PIEZO1: variants seen among roughly 807,000 people sequenced by gnomAD.
PIEZO1 encodes the protein piezo-type mechanosensitive ion channel component 1.
A neutral mutation model predicts 297.2 loss-of-function variants in PIEZO1; 296 were observed. That is an observed-to-expected ratio of 1.00 (90% confidence interval 0.91 to 1.10). The LOEUF is 1.10. PIEZO1 is among the 50% of genes least tolerant of loss of function. The probability of loss-of-function intolerance (pLI) is 0.00; values close to 1 mark genes in which losing one functional copy is unlikely to be tolerated. For missense variants in PIEZO1, 5,018 were observed against 3,455.5 expected (o/e 1.45, Z -11.34); for synonymous variants, 2,427 against 1,507.5 (o/e 1.61, Z -14.13).
chr16:88,737,198 T>C, intron 10 of PIEZO1: 1 of 278,482 alleles, frequency 3.6e-6, no homozygotes, highest in Non-Finnish European at 6.8e-6. Context: ...ACGAGCGGCC[T>C]CCTGGGGCCA....
At position 88,733,697 on chromosome 16, in the gene PIEZO1, G is replaced by A; in HGVS notation, c.2378C>T (p.Ala793Val). The A allele has an allele frequency of 6.5e-7, 1 of 1,548,904 alleles. No individual in the cohort carries two copies. The highest frequency in any genetic ancestry group is 8.7e-7 in the Non-Finnish European group (1 of 1,146,194). The change falls in exon 18 of 51, where the codon GCC becomes GTC. Residue 793 changes from alanine to valine, a missense_variant. Ala to Val is a moderately conservative substitution (Grantham distance 64). Transcript: ENST00000301015. ...LVAERLLELA[A>V]GFSDVLSRVQ... ...GCGTGAGAGGACGTCCGAGAAGCCG[G>A]CTGCCAGCTCCAGCAGCCGCTCAGC...
intron 2 of PIEZO1, among the ~76,000 whole-genome samples, chr16:88,745,936 G>A (rs1292748619): frequency 6.6e-6 from 1 of 152,142 alleles, no homozygotes; most frequent in African/African-American, 2.4e-5. Context: ...CCCCACCACG[G>A]CAGCATCCTG....
intron 1 of PIEZO1, among the ~76,000 whole-genome samples, chr16:88,774,109 G>A (rs1907549653): frequency 6.6e-6 from 1 of 152,224 alleles, no homozygotes; most frequent in Non-Finnish European, 1.5e-5. Context: ...CACCAGGCAG[G>A]GCTGGGTGGG....
chr16:88,776,364 G>A lies in PIEZO1; in HGVS notation c.64+8537C>T, dbSNP rs1460033631. On this transcript the variant is annotated intron_variant, in intron 1 of 50. Transcript: ENST00000301015. The stretch of plus-strand genomic sequence containing the variant: ...AAGGAGAATGGCGTGAACCTGGGAG[G>A]CAGAGCTTGCAGTGAGCCCAGACTG... Among the ~76,000 whole-genome samples, 3 of 152,246 alleles carry A rather than the reference G, an allele frequency of 2.0e-5. No homozygotes were observed. In the South Asian group the frequency reaches 6.2e-4, roughly 32 times the overall value.
At chr16:88,772,257 CAGA>C (rs1275937849) in intron 1 of PIEZO1, among the ~76,000 whole-genome samples, 1 of 152,252 alleles carries the variant, frequency 6.6e-6, no homozygotes, top group Non-Finnish European at 1.5e-5. Context: ...TGTCCAAGCT[CAGA>C]AGGAGGGCCC....
chr16:88,760,754 G>A (rs996799368), intron 1 of PIEZO1, among the ~76,000 whole-genome samples: 6 of 152,222 alleles, frequency 3.9e-5, no homozygotes, highest in African/African-American at 1.4e-4. Context: ...GGGGCCCGAG[G>A]GGAGCCACCC....
At chr16:88,716,778 C>T in intron 46 of PIEZO1, 28 bp downstream of exon 46, 1 of 1,549,446 alleles carries the variant, frequency 6.5e-7, no homozygotes, top group Non-Finnish European at 8.7e-7. Flanking sequence ...CTCCCCACAC[C>T]AGCTTTCACA....
intron 1 of PIEZO1, among the ~76,000 whole-genome samples, chr16:88,761,497 C>T (rs1398765291): frequency 6.6e-6 from 1 of 152,222 alleles, no homozygotes; most frequent in Non-Finnish European, 1.5e-5. Flanking sequence ...CGCCGCCTTC[C>T]GGTCCCCACA....
Position 88,731,686 on chromosome 16 carries a change from C to A in PIEZO1, c.3196+20G>T. The A allele has an allele frequency of 6.5e-7, 1 of 1,545,576 alleles. No homozygotes were observed. Among genetic ancestry groups the A allele is most frequent in the Non-Finnish European group, 8.7e-7 (1 of 1,143,838 alleles). ...ACAAAGCCACAAAGCCCACTCCCAC[C>A]CAAGCCACGTGCCCCTCACCAATGC... is the stretch of plus-strand genomic sequence containing the variant. On this transcript the variant is annotated intron_variant, in intron 22 of 50. Coordinates refer to ENST00000301015, the MANE Select transcript of PIEZO1 (RefSeq NM_001142864.4).
At chr16:88,717,320 A>G in intron 44 of PIEZO1, 109 bp from the exon 45 acceptor site, 1 of 912,330 alleles carries the variant, frequency 1.1e-6, no homozygotes, top group South Asian at 1.4e-5. Flanking sequence ...GCCTGACCTC[A>G]GTATGGCACA....
chr16:88,731,805 C>T lies in PIEZO1; in HGVS notation c.3097G>A (p.Ala1033Thr). Reference protein sequence around the residue: ...VAILTRRHRQAIARLWPNYCL... With the variant: ...VAILTRRHRQTIARLWPNYCL... Reference sequence around the variant, plus strand: ...TAGTTGGGCCAGAGGCGGGCAATGGCCTGGCGGTGCCTGCGGGTGAGGATG... The same window carrying T: ...TAGTTGGGCCAGAGGCGGGCAATGGTCTGGCGGTGCCTGCGGGTGAGGATG... The change falls in exon 22 of 51, where the codon GCC (alanine) becomes ACC (threonine). Residue 1033 changes from alanine (A) to threonine (T), a missense_variant. Coordinates refer to ENST00000301015, the MANE Select transcript of PIEZO1 (RefSeq NM_001142864.4). 2 of 1,537,494 alleles carry T rather than the reference C, an allele frequency of 1.3e-6. No individual in the cohort carries two copies. Among genetic ancestry groups the T allele is most frequent in the South Asian group, 2.4e-5 (2 of 83,660 alleles).
intron 1 of PIEZO1, among the ~76,000 whole-genome samples, chr16:88,782,076 C>T (rs1363496793): frequency 6.6e-6 from 1 of 152,202 alleles, no homozygotes; most frequent in Non-Finnish European, 1.5e-5. Flanking sequence ...ACTGGAGGTG[C>T]GGTCCCATAT....
In PIEZO1 at chr16:88,751,879, G is replaced by A. The variant is rs372620449; in HGVS notation, c.65-2400C>T. On this transcript the variant is annotated intron_variant, in intron 1 of 50. Transcript: ENST00000301015. The stretch of plus-strand genomic sequence containing the variant: ...AGCCGTCCATGCATCCGTCAGAGCA[G>A]AGGAGCTCACGGTCTGACCTGCCAG... 1.1e-4 allele frequency among the ~76,000 whole-genome samples: 17 copies of A among 152,310 alleles called. 1 individual carries two copies. In the East Asian group the frequency reaches 3.3e-3, roughly 29 times the overall value.
chr16:88,745,708 C>T (rs1394483135), intron 2 of PIEZO1: 2 of 144,942 alleles, frequency 1.4e-5, no homozygotes, highest in African/African-American at 2.6e-5. Flanking sequence ...GAGATCGCGC[C>T]ACTGCACTCC....
Position 88,726,472 on chromosome 16 carries a change from G to C in PIEZO1, c.3797-17C>G. 6.5e-7 allele frequency: 1 copy of C among 1,548,892 alleles called. No homozygotes were observed. The highest frequency in any genetic ancestry group is 8.7e-7 in the Non-Finnish European group (1 of 1,145,848). On this transcript the variant is annotated splice_polypyrimidine_tract_variant and intron_variant, in intron 26 of 50. Coordinates refer to ENST00000301015, the MANE Select transcript of PIEZO1 (RefSeq NM_001142864.4). Reference sequence around the variant, plus strand: ...TCTCCTTGGCTGCAAGGCAGGCACCGGCAAGGGTCAGGCCCAGGGCCCAGG... The same window carrying C: ...TCTCCTTGGCTGCAAGGCAGGCACCCGCAAGGGTCAGGCCCAGGGCCCAGG...
intron 1 of PIEZO1, among the ~76,000 whole-genome samples, chr16:88,767,486 C>A (rs927897378): frequency 1.3e-5 from 2 of 152,186 alleles, no homozygotes; most frequent in Non-Finnish European, 2.9e-5. Context: ...GGAACTCCCC[C>A]ACTGCAGGTG....
At chr16:88,775,596 G>A (rs967852658) in intron 1 of PIEZO1, among the ~76,000 whole-genome samples, 2 of 152,198 alleles carry the variant, frequency 1.3e-5, no homozygotes, top group African/African-American at 4.8e-5. Flanking sequence ...GGGTGTGGTG[G>A]TGGGCACCTG....
chr16:88,728,360 C>T (rs1904604001), intron 22 of PIEZO1, among the ~76,000 whole-genome samples: 1 of 152,226 alleles, frequency 6.6e-6, no homozygotes, highest in African/African-American at 2.4e-5. Context: ...GCCCCATCTG[C>T]CACAGAGGGA....
intron 39 of PIEZO1, 43 bp downstream of exon 39, chr16:88,721,123 G>C: frequency 6.9e-7 from 1 of 1,452,130 alleles, no homozygotes; most frequent in Non-Finnish European, 9.1e-7. Context: ...GCCCCACTCA[G>C]AAAACTGGGT....
Sources: gnomAD v4.1 joint callset for allele counts (sites outside exome capture counted in the v4.1 genomes callset) on GRCh38, gnomAD v4.1.1 for gene constraint, MANE v1.5 for transcripts, NCBI Gene and HGNC (gene_info 2026-07-23, HGNC 2026-07-21) for gene names.